The following MED25 variants were observed in gnomAD, a reference collection of about 807,000 sequenced individuals.
MED25 encodes mediator of RNA polymerase II transcription subunit 25.
Under a neutral mutation model 89.4 loss-of-function variants are expected in MED25, and 62 were observed. That is an observed-to-expected ratio of 0.69 (90% confidence interval 0.57 to 0.86). MED25 has a LOEUF of 0.86. MED25 is among the 40% of genes least tolerant of loss of function. MED25 has a pLI of 0.00. For missense variants in MED25, 905 were observed against 1,005.2 expected, an observed-to-expected ratio of 0.90 and a Z score of 1.35; for synonymous variants, 449 against 427.9, an observed-to-expected ratio of 1.05 and a Z score of -0.61.
In MED25 at chr19:49,826,062, C is replaced by T. The variant is rs73068066; in HGVS notation, c.306-2387C>T. On this transcript the variant is annotated intron_variant, in intron 3 of 17. Coordinates refer to ENST00000312865, the MANE Select transcript of MED25 (RefSeq NM_030973.4). Reference sequence around the variant, plus strand: ...TCTGCGTGCAAAGCTGTCTTGATGCCGGGCACAGTGGCTCACGCCTGTAAT... The same window carrying T: ...TCTGCGTGCAAAGCTGTCTTGATGCTGGGCACAGTGGCTCACGCCTGTAAT... 9.0e-3 allele frequency among the ~76,000 whole-genome samples: 1,373 copies of T among 152,130 alleles called. 14 individuals carry two copies. The highest frequency in any genetic ancestry group is 0.061 in the Middle Eastern group (18 of 294).
At chr19:49,839,644 T>C (rs2074121540), downstream of MED25, 1 of 152,206 alleles carries the variant, frequency 6.6e-6, no homozygotes, top group Non-Finnish European at 1.5e-5. Context: ...GAACACTGAA[T>C]ATTTCTCCGC....
At chr19:49,826,327 G>C (rs574699236) in intron 3 of MED25, among the ~76,000 whole-genome samples, 1 of 152,208 alleles carries the variant, frequency 6.6e-6, no homozygotes, top group Non-Finnish European at 1.5e-5. Context: ...GAGACAGAGC[G>C]AGACTCCGTC....
intron 3 of MED25, among the ~76,000 whole-genome samples, chr19:49,827,108 G>T (rs1770992135): frequency 6.6e-6 from 1 of 152,156 alleles, no homozygotes; most frequent in Non-Finnish European, 1.5e-5. Flanking sequence ...CCACACTTCA[G>T]GGGGACAGGG....
In MED25 at chr19:49,830,031, CT is replaced by C. The variant is rs1374590609; in HGVS notation, c.689-54del. On this transcript the variant is annotated intron_variant, in intron 6 of 17. Coordinates refer to ENST00000312865, the MANE Select transcript of MED25 (RefSeq NM_030973.4). This position sits in a 1 kb window ranked among gnomAD's most constrained non-coding sequence, Gnocchi z 4.6. ...CTGACTTGGATTTTGGATTTCTCTC[CT>C]TTCTCTGCATCTTGAATCCCTTCTC... is the stretch of plus-strand genomic sequence containing the variant. The C allele has an allele frequency of 6.3e-7, 1 of 1,597,592 alleles. No homozygotes were observed. Among genetic ancestry groups the C allele is most frequent in the African/African-American group, 1.3e-5 (1 of 74,782 alleles).
chr19:49,822,304 G>A (rs926091924), intron 3 of MED25, among the ~76,000 whole-genome samples: 3 of 91,592 alleles, frequency 3.3e-5, no homozygotes, highest in African/African-American at 1.5e-4. Context: ...AATTAATCAG[G>A]TGTGGTGGCA....
chr19:49,830,698 G>A lies in MED25; in HGVS notation c.912G>A (p.Ser304=), dbSNP rs1407395842. ...NQKAGLGPRF[S]PITPLQQAAP... ...TTCCCTTGGTCTCTCCCACAGTCTC[G>A]CCCATCACCCCTCTCCAACAAGCTG... The change falls in exon 9 of 18, where the codon TCG becomes TCA. Residue 304 remains serine (S), a synonymous_variant. Coordinates refer to ENST00000312865, the MANE Select transcript of MED25 (RefSeq NM_030973.4). This position sits in a 1 kb window ranked among gnomAD's most constrained non-coding sequence, Gnocchi z 4.6. The A allele has an allele frequency of 1.5e-5, 25 of 1,613,768 alleles. No individual in the cohort carries two copies. In the Admixed American group the frequency reaches 2.2e-4, roughly 14 times the overall value.
In MED25 at chr19:49,830,354, G is replaced by A; in HGVS notation, c.819+136G>A. ...GGACATTGGGAAGGTGGGACTCTTG[G>A]GGCCATGGAAGCTCATGTGCTGTGT... On this transcript the variant is annotated intron_variant, in intron 7 of 17. Coordinates refer to ENST00000312865, the MANE Select transcript of MED25 (RefSeq NM_030973.4). The surrounding 1 kb of genome is among the most constrained non-coding windows in gnomAD (Gnocchi z 4.6). 1.7e-6 allele frequency: 2 copies of A among 1,169,700 alleles called. No homozygotes were observed. Among genetic ancestry groups the A allele is most frequent in the East Asian group, 5.0e-5 (2 of 39,694 alleles). 72.5% of individuals were successfully genotyped at this position (1,169,700 alleles called of 1,614,324 possible). A position where few individuals can be genotyped will look rare whatever the true frequency, so the allele number is the denominator to read the frequency against.
chr19:49,828,537 CG>C lies in MED25; in HGVS notation c.395del (p.Arg132ProfsTer82), dbSNP rs745505841. On this transcript the variant is annotated frameshift_variant, in exon 4 of 18. Transcript: ENST00000312865. LOFTEE classifies it high-confidence loss of function. The part of the protein sequence containing the change: ...LQLFDDFKKM[R>X]EQIGQTHRVC... ...GCTGTTTGATGACTTCAAGAAGATG[CG>C]CGAGCAGATGTGAGTGCCCCCTCCA... 3.1e-6 allele frequency: 5 copies of C among 1,613,220 alleles called. No homozygotes were observed. In the East Asian group the frequency reaches 1.1e-4, roughly 36 times the overall value.
At position 49,836,490 on chromosome 19, in the gene MED25, G is replaced by A; in HGVS notation, c.2146+84G>A. On this transcript the variant is annotated intron_variant, in intron 17 of 17. Transcript: ENST00000312865. This position sits in a 1 kb window ranked among gnomAD's most constrained non-coding sequence, Gnocchi z 5.1. Reference sequence around the variant, plus strand: ...TAGAGCACCAAGACCGAGTGCTCCTGGGAAGTAAAGACATAGGATCCAAGA... The same window carrying A: ...TAGAGCACCAAGACCGAGTGCTCCTAGGAAGTAAAGACATAGGATCCAAGA... 2.0e-6 allele frequency: 3 copies of A among 1,469,282 alleles called. No individual in the cohort carries two copies. The highest frequency in any genetic ancestry group is 2.8e-6 in the Non-Finnish European group (3 of 1,073,158). 91.0% of individuals were successfully genotyped at this position (1,469,282 alleles called of 1,614,324 possible).
downstream of MED25, among the ~76,000 whole-genome samples, chr19:49,837,757 G>A (rs542300986): frequency 7.9e-5 from 12 of 152,310 alleles, no homozygotes; most frequent in South Asian, 2.5e-3. Flanking sequence ...GTGCCATGTT[G>A]GGAGCTCAGG....
At chr19:49,825,285 C>G (rs1355725387) in intron 3 of MED25, among the ~76,000 whole-genome samples, 3 of 152,090 alleles carry the variant, frequency 2.0e-5, no homozygotes, top group Admixed American at 6.5e-5. Flanking sequence ...GTCTCTCTCT[C>G]TCTCCCAGGC....
At chr19:49,820,007 T>G (rs1431438486) in intron 3 of MED25, 5 of 154,026 alleles carry the variant, frequency 3.2e-5, no homozygotes, top group Non-Finnish European at 7.2e-5. Flanking sequence ...TTTTTTTTTT[T>G]TTGTATTTTT....
At chr19:49,822,262 CAAAA>C (rs1220883878) in intron 3 of MED25, among the ~76,000 whole-genome samples, 25 of 48,920 alleles carry the variant, frequency 5.1e-4, no homozygotes, top group Middle Eastern at 0.011. Context: ...GACTCTGTCT[CAAAA>C]AAAAAAAAAA....
rs756139455 is a variant in MED25, at chr19:49,829,770, G to A, written c.526-16G>A. 1.1e-5 allele frequency: 17 copies of A among 1,575,168 alleles called. No homozygotes were observed. In the East Asian group the frequency reaches 1.4e-4, roughly 13 times the overall value. The stretch of plus-strand genomic sequence containing the variant: ...TGGAGGGGGCCCGTCATGACTGCTC[G>A]GCCCCTCTCCTACAGCGGGGGATCC... On this transcript the variant is annotated splice_polypyrimidine_tract_variant and intron_variant, in intron 5 of 17. Transcript: ENST00000312865. This position sits in a 1 kb window ranked among gnomAD's most constrained non-coding sequence, Gnocchi z 4.6.
In MED25 at chr19:49,835,676, G is replaced by A. The variant is rs139644839; in HGVS notation, c.1747-51G>A. The A allele has an allele frequency of 6.2e-4, 990 of 1,584,382 alleles. 2 individuals are homozygous for A. The highest frequency in any genetic ancestry group is 8.0e-4 in the Non-Finnish European group (927 of 1,165,928). ...AAGGCTGCGCTCTGTGCCTGCAGAAGGGGCGTGAGGCCCTGCCCATCTCCC... is the reference window on the plus strand; with the variant it reads ...AAGGCTGCGCTCTGTGCCTGCAGAAAGGGCGTGAGGCCCTGCCCATCTCCC... On this transcript the variant is annotated intron_variant, in intron 15 of 17. Coordinates refer to ENST00000312865, the MANE Select transcript of MED25 (RefSeq NM_030973.4). The surrounding 1 kb of genome is among the most constrained non-coding windows in gnomAD (Gnocchi z 6.2).
At chr19:49,822,710 C>T (rs564607995) in intron 3 of MED25, among the ~76,000 whole-genome samples, 10 of 131,988 alleles carry the variant, frequency 7.6e-5, no homozygotes, top group Non-Finnish European at 1.5e-4. Context: ...TGCAGTGGTG[C>T]GATCTCAGCT....
At chr19:49,823,250 C>T (rs981982871) in intron 3 of MED25, among the ~76,000 whole-genome samples, 7 of 152,150 alleles carry the variant, frequency 4.6e-5, no homozygotes, top group African/African-American at 1.2e-4. Context: ...GCCTGAGCTG[C>T]GGTGCCAAGT....
In MED25 at chr19:49,828,954, C is replaced by T. The variant is rs1394323521; in HGVS notation, c.405-16C>T. ...TCTGTTGCTGCTGGCTCCATGTCTTCTCTCTTTCCTGGTAGTGGCCAGACG... is the reference window on the plus strand; with the variant it reads ...TCTGTTGCTGCTGGCTCCATGTCTTTTCTCTTTCCTGGTAGTGGCCAGACG... On this transcript the variant is annotated splice_polypyrimidine_tract_variant and intron_variant, in intron 4 of 17. Transcript: ENST00000312865. 3 of 1,613,940 alleles carry T rather than the reference C, an allele frequency of 1.9e-6. No homozygotes were observed. The highest frequency in any genetic ancestry group is 2.2e-5 in the South Asian group (2 of 91,072).
chr19:49,832,886 T>A (rs993905485), intron 13 of MED25: 36 of 265,322 alleles, frequency 1.4e-4, no homozygotes, highest in African/African-American at 7.3e-4. Flanking sequence ...AGGCTTCAGG[T>A]GGCATCGCTC....
Sources: allele counts gnomAD v4.1 joint callset (sites outside exome capture counted in the v4.1 genomes callset), GRCh38; gene constraint gnomAD v4.1.1; non-coding constraint Gnocchi (gnomAD v3.1); transcripts MANE v1.5; gene names NCBI Gene and HGNC (gene_info 2026-07-23, HGNC 2026-07-21).